The following PCDH15 variants were observed in gnomAD, a reference collection of about 807,000 sequenced individuals.
The protein encoded by PCDH15 is protocadherin related 15, also known as protocadherin-15.
A neutral mutation model predicts 178.5 loss-of-function variants in PCDH15; 129 were observed. That is an observed-to-expected ratio of 0.72 (90% CI 0.63 to 0.84). PCDH15 has a LOEUF of 0.84. Ranked by LOEUF, PCDH15 falls within the 40% of genes least tolerant of loss-of-function variation. The probability of loss-of-function intolerance (pLI) is 0.00; values close to 1 mark genes in which losing one functional copy is unlikely to be tolerated. For missense variants in PCDH15, 2,230 were observed against 2,099.9 expected (o/e 1.06, Z -1.21); for synonymous variants, 800 against 732.0 (o/e 1.09, Z -1.50).
At chr10:55,302,969 A>G (rs1843323486) in intron 1 of PCDH15, among the ~76,000 whole-genome samples, 1 of 152,122 alleles carries the variant, frequency 6.6e-6, no homozygotes, top group African/African-American at 2.4e-5. Flanking sequence ...TCTCCTTAAT[A>G]TCCTGTAACT....
chr10:55,337,460 T>G (rs1844424928), intron 2 of PCDH15, among the ~76,000 whole-genome samples: 1 of 152,204 alleles, frequency 6.6e-6, no homozygotes, highest in South Asian at 2.1e-4. Flanking sequence ...CTAAATCCAT[T>G]TATTCCTTCT....
At chr10:54,042,232 A>T (rs1449505649) in intron 18 of PCDH15, among the ~76,000 whole-genome samples, 1 of 151,988 alleles carries the variant, frequency 6.6e-6, no homozygotes, top group African/African-American at 2.4e-5. Context: ...AATTAGGACT[A>T]CTCTCTCCAT....
chr10:54,570,455 C>A (rs1047725846), intron 2 of PCDH15, among the ~76,000 whole-genome samples: 4 of 152,120 alleles, frequency 2.6e-5, no homozygotes, highest in Non-Finnish European at 4.4e-5. Context: ...TTTCTCTTGA[C>A]AAATGTCTTG....
intron 23 of PCDH15, among the ~76,000 whole-genome samples, chr10:53,945,837 GTATATATATATATATATATATATA>G (rs56389905): frequency 3.4e-4 from 41 of 119,442 alleles, no homozygotes; most frequent in South Asian, 8.2e-4. Flanking sequence ...ATATTTCATT[GTATATATATATATATATATATATA>G]TATATATATA....
chr10:55,476,011 G>A (rs1161297919), intron 2 of PCDH15, among the ~76,000 whole-genome samples: 1 of 152,004 alleles, frequency 6.6e-6, no homozygotes, highest in East Asian at 1.9e-4. Context: ...TACTTCATTC[G>A]ACAGTTATGT....
intron 1 of PCDH15, among the ~76,000 whole-genome samples, chr10:55,293,985 T>C (rs749296689): frequency 2.6e-5 from 4 of 152,152 alleles, no homozygotes; most frequent in Non-Finnish European, 4.4e-5. Context: ...TCCATACTGC[T>C]AATAAGACAT....
intron 21 of PCDH15, among the ~76,000 whole-genome samples, chr10:53,989,820 A>G (rs2091346449): frequency 6.6e-6 from 1 of 152,166 alleles, no homozygotes; most frequent in African/African-American, 2.4e-5. Flanking sequence ...CTAACAACAC[A>G]AGCCAGTATG....
At chr10:54,174,652 T>C (rs1005538610) in intron 13 of PCDH15, among the ~76,000 whole-genome samples, 1 of 151,764 alleles carries the variant, frequency 6.6e-6, no homozygotes, top group Admixed American at 6.6e-5. Flanking sequence ...TCCAATCAAA[T>C]GGAAGGTGTT....
intron 2 of PCDH15, among the ~76,000 whole-genome samples, chr10:55,147,450 A>ATT (rs34222995): frequency 4.5e-5 from 6 of 133,954 alleles, no homozygotes; most frequent in Admixed American, 1.5e-4. Context: ...CCTAATTTCA[A>ATT]TTTTTAAAAA....
chr10:53,886,482 G>C (rs2081101428), intron 26 of PCDH15, among the ~76,000 whole-genome samples: 1 of 151,426 alleles, frequency 6.6e-6, no homozygotes, highest in Non-Finnish European at 1.5e-5. Flanking sequence ...ATAACATTTG[G>C]TTAAACTTTA....
chr10:55,161,595 T>C (rs977332751), intron 2 of PCDH15, among the ~76,000 whole-genome samples: 23 of 152,136 alleles, frequency 1.5e-4, no homozygotes, highest in Non-Finnish European at 2.4e-4. Flanking sequence ...CTTTGCAAAC[T>C]GTTATTAGGA....
At chr10:54,646,791 C>T (rs902400370) in intron 2 of PCDH15, among the ~76,000 whole-genome samples, 21 of 151,878 alleles carry the variant, frequency 1.4e-4, no homozygotes, top group Non-Finnish European at 2.8e-4. Context: ...GATATATCAC[C>T]TCATGCTTAC....
At chr10:54,836,568 T>C (rs1019264030) in intron 3 of PCDH15, among the ~76,000 whole-genome samples, 4 of 152,164 alleles carry the variant, frequency 2.6e-5, no homozygotes, top group Non-Finnish European at 4.4e-5. Flanking sequence ...TGTGTGTCTC[T>C]GTGTGCATTT....
At chr10:55,190,298 A>G (rs1839913521) in intron 1 of PCDH15, among the ~76,000 whole-genome samples, 1 of 151,128 alleles carries the variant, frequency 6.6e-6, no homozygotes, top group Admixed American at 6.6e-5. Context: ...AGAAACTTTA[A>G]TATATTGATC....
intron 2 of PCDH15, among the ~76,000 whole-genome samples, chr10:55,601,705 T>C (rs1843084295): frequency 6.6e-6 from 1 of 152,056 alleles, no homozygotes; most frequent in African/African-American, 2.4e-5. Flanking sequence ...TGAATTAAGG[T>C]AGCAGGAACA....
intron 2 of PCDH15, among the ~76,000 whole-genome samples, chr10:55,392,569 T>C (rs1807720580): frequency 6.6e-6 from 1 of 152,114 alleles, no homozygotes; most frequent in South Asian, 2.1e-4. Flanking sequence ...GTGGAGGAAA[T>C]ACATTTTGAT....
At chr10:54,032,834 G>C (rs2093330168) in intron 18 of PCDH15, among the ~76,000 whole-genome samples, 1 of 151,948 alleles carries the variant, frequency 6.6e-6, no homozygotes, top group Non-Finnish European at 1.5e-5. Context: ...TGGCTGGGGA[G>C]GTCTCAGGAA....
chr10:55,187,686 C>T (rs1283875681), intron 1 of PCDH15, among the ~76,000 whole-genome samples: 1 of 151,868 alleles, frequency 6.6e-6, no homozygotes, highest in African/African-American at 2.4e-5. Context: ...TTTAAGTGAC[C>T]TATGAGCCAA....
At chr10:55,127,754 C>T (rs777735130) in intron 2 of PCDH15, among the ~76,000 whole-genome samples, 1 of 151,962 alleles carries the variant, frequency 6.6e-6, no homozygotes, top group Non-Finnish European at 1.5e-5. Flanking sequence ...TCAGATTTTG[C>T]AGCAATATTT....
Sources: allele counts gnomAD v4.1 joint callset (sites outside exome capture counted in the v4.1 genomes callset), GRCh38; gene constraint gnomAD v4.1.1; transcripts MANE v1.5; gene names NCBI Gene and HGNC (gene_info 2026-07-23, HGNC 2026-07-21).